The following MIPOL1 variants were observed in gnomAD, a reference collection of about 807,000 sequenced individuals.
MIPOL1 encodes the protein mirror-image polydactyly gene 1 protein.
A neutral mutation model predicts 60.9 loss-of-function variants in MIPOL1; 57 were observed. The ratio of observed to expected loss-of-function variants is 0.94; its 90% confidence interval spans 0.76 to 1.17. The LOEUF (loss-of-function observed/expected upper bound fraction) is 1.17. Among genes scored for constraint, MIPOL1 ranks in the 50% most tolerant of loss-of-function variants. The pLI, the probability that MIPOL1 is intolerant of heterozygous loss-of-function variation, is 0.00. For missense variants in MIPOL1, 551 were observed against 511.6 expected (o/e 1.08, Z -0.74); for synonymous variants, 179 against 168.8 (o/e 1.06, Z -0.47).
intron 1 of MIPOL1, among the ~76,000 whole-genome samples, chr14:37,206,394 A>C (rs916071331): frequency 6.6e-6 from 1 of 152,188 alleles, no homozygotes; most frequent in African/African-American, 2.4e-5. Flanking sequence ...ATCTTCGCCT[A>C]GATTTAAGAG....
chr14:37,546,729 T>TAACCTC (rs1413156959), intron 12 of MIPOL1, among the ~76,000 whole-genome samples, 176 bp from the exon 13 acceptor site: 1 of 152,242 alleles, frequency 6.6e-6, no homozygotes, highest in East Asian at 1.9e-4. Context: ...CTGGGTTTTT[T>TAACCTC]AACCTCAAAT....
chr14:37,381,317 T>C (rs1228218369), intron 10 of MIPOL1, among the ~76,000 whole-genome samples: 1 of 152,056 alleles, frequency 6.6e-6, no homozygotes, highest in East Asian at 1.9e-4. Flanking sequence ...ATGTAAATTA[T>C]TTTCTAAGGA....
chr14:37,451,630 T>C (rs2094417920), intron 11 of MIPOL1, among the ~76,000 whole-genome samples: 1 of 152,008 alleles, frequency 6.6e-6, no homozygotes, highest in African/African-American at 2.4e-5. Context: ...AATGAAGAAA[T>C]ACATTTATGA....
At chr14:37,398,072 GC>G (rs1315973683) in intron 10 of MIPOL1, among the ~76,000 whole-genome samples, 1 of 152,002 alleles carries the variant, frequency 6.6e-6, no homozygotes, top group Non-Finnish European at 1.5e-5. Flanking sequence ...GCCTTTGGCC[GC>G]CCTCTCGTTG....
intron 3 of MIPOL1, among the ~76,000 whole-genome samples, chr14:37,255,134 G>A (rs940969131): frequency 1.3e-5 from 2 of 151,708 alleles, no homozygotes; most frequent in Non-Finnish European, 3.0e-5. Flanking sequence ...AACACCTCTT[G>A]TAACACATAT....
Position 37,523,458 on chromosome 14 carries a change from GT to G in MIPOL1, c.1262+23330del, listed in dbSNP as rs751583365. 1.0e-3 allele frequency: 363 copies of G among 352,998 alleles called. 1 individual carries two copies. The highest frequency in any genetic ancestry group is 2.3e-3 in the Middle Eastern group (6 of 2,646). 21.9% of individuals were successfully genotyped at this position (352,998 alleles called of 1,614,324 possible). A position where few individuals can be genotyped will look rare whatever the true frequency, so the allele number is the denominator to read the frequency against. On this transcript the variant is annotated intron_variant, in intron 12 of 12. Coordinates refer to ENST00000684589, the MANE Select transcript of MIPOL1 (RefSeq NM_001388067.1). Reference sequence around the variant, plus strand: ...AGCTAAGCCAAATATAAATATTAGAGTTTTTTTTTTCCAGATCTCAAATACA... The same window carrying G: ...AGCTAAGCCAAATATAAATATTAGAGTTTTTTTTTCCAGATCTCAAATACA...
intron 11 of MIPOL1, among the ~76,000 whole-genome samples, chr14:37,425,895 A>G (rs991452201): frequency 6.6e-6 from 1 of 152,180 alleles, no homozygotes; most frequent in Non-Finnish European, 1.5e-5. Context: ...TCAACAGAGT[A>G]TTAGATATAG....
At chr14:37,360,304 C>G (rs989174974) in intron 9 of MIPOL1, among the ~76,000 whole-genome samples, 2 of 151,972 alleles carry the variant, frequency 1.3e-5, no homozygotes, top group Admixed American at 6.6e-5. Flanking sequence ...GTCTCTGCCA[C>G]GCTTTGGTAT....
intron 11 of MIPOL1, among the ~76,000 whole-genome samples, chr14:37,429,194 G>A (rs1271429621): frequency 6.6e-6 from 1 of 152,020 alleles, no homozygotes; most frequent in African/African-American, 2.4e-5. Context: ...CTAAGTTCAG[G>A]AGGCATAATA....
chr14:37,406,273 A>G (rs933959575), intron 10 of MIPOL1, among the ~76,000 whole-genome samples: 1 of 152,160 alleles, frequency 6.6e-6, no homozygotes, highest in Non-Finnish European at 1.5e-5. Flanking sequence ...GGTGCTTGTC[A>G]TGGACTGAAT....
chr14:37,294,313 C>A (rs1878474302), intron 7 of MIPOL1, among the ~76,000 whole-genome samples: 1 of 152,102 alleles, frequency 6.6e-6, no homozygotes, highest in Non-Finnish European at 1.5e-5. Flanking sequence ...ATCTGTATGT[C>A]ACCATCATCA....
rs559387087 is a variant in MIPOL1, at chr14:37,480,901, G to T, written c.1032-19007G>T. 3.9e-5 allele frequency among the ~76,000 whole-genome samples: 6 copies of T among 152,260 alleles called. No homozygotes were observed. The South Asian group carries it at 1.2e-3, about 32-fold the overall frequency. ...TGTCTGTAATACCAGCACTTTGGGA[G>T]GCCAAAGCAGGAGGATCACATGAAG... On this transcript the variant is annotated intron_variant, in intron 11 of 12. Coordinates refer to ENST00000684589, the MANE Select transcript of MIPOL1 (RefSeq NM_001388067.1).
chr14:37,481,969 A>C (rs1178180764), intron 11 of MIPOL1, among the ~76,000 whole-genome samples: 2 of 152,218 alleles, frequency 1.3e-5, no homozygotes, highest in African/African-American at 2.4e-5. Context: ...GAAAGGCCAG[A>C]AACTATAAAA....
At chr14:37,449,455 G>T (rs1240303072) in intron 11 of MIPOL1, among the ~76,000 whole-genome samples, 2 of 152,112 alleles carry the variant, frequency 1.3e-5, no homozygotes, top group African/African-American at 4.8e-5. Context: ...ACTGAATGAA[G>T]AATTTGAATT....
intron 3 of MIPOL1, among the ~76,000 whole-genome samples, chr14:37,253,045 T>C (rs1289526382): frequency 3.3e-5 from 5 of 151,816 alleles, no homozygotes; most frequent in Admixed American, 3.3e-4. Flanking sequence ...TAACTAATCA[T>C]TCTGTATTAA....
intron 12 of MIPOL1, among the ~76,000 whole-genome samples, chr14:37,531,048 C>T (rs2095476086): frequency 1.3e-5 from 2 of 152,094 alleles, no homozygotes; most frequent in South Asian, 4.2e-4. Flanking sequence ...AAACTCCTGA[C>T]CTCATGTGAT....
chr14:37,292,201 A>G (rs370863190), intron 7 of MIPOL1, among the ~76,000 whole-genome samples: 30 of 152,198 alleles, frequency 2.0e-4, no homozygotes, highest in African/African-American at 7.2e-4. Context: ...CTGGGATTAC[A>G]GGTGTGAAGC....
At chr14:37,474,304 GA>G (rs2094733622) in intron 11 of MIPOL1, among the ~76,000 whole-genome samples, 2 of 152,122 alleles carry the variant, frequency 1.3e-5, no homozygotes, top group Admixed American at 1.3e-4. Context: ...ATCATATGGT[GA>G]CATTCTTTGG....
At chr14:37,345,708 T>C (rs1381419981) in intron 9 of MIPOL1, among the ~76,000 whole-genome samples, 2 of 152,120 alleles carry the variant, frequency 1.3e-5, no homozygotes, top group Non-Finnish European at 2.9e-5. Flanking sequence ...GTGCTAGGGG[T>C]CCTCATTGCT....
Sources: allele counts gnomAD v4.1 joint callset (sites outside exome capture counted in the v4.1 genomes callset), GRCh38; gene constraint gnomAD v4.1.1; transcripts MANE v1.5; gene names NCBI Gene and HGNC (gene_info 2026-07-23, HGNC 2026-07-21).